Variants in MAJIN observed in about 807,000 individuals in gnomAD.
MAJIN encodes membrane anchored junction protein, also known as membrane-anchored junction protein.
MAJIN carries 27 observed loss-of-function variants against 30.2 expected under a neutral mutation model. The ratio of observed to expected loss-of-function variants is 0.89; its 90% CI spans 0.66 to 1.23. The LOEUF (loss-of-function observed/expected upper bound fraction) is 1.23, where lower values mean the gene tolerates loss of function less well. Ranked by LOEUF, MAJIN falls within the 50% of genes most tolerant of loss-of-function variation. The pLI is 0.00. For synonymous variants in MAJIN, 78 were observed against 91.6 expected, an observed-to-expected ratio of 0.85 and a Z score of 0.85; for missense variants, 253 against 260.3, an observed-to-expected ratio of 0.97 and a Z score of 0.19.
At chr11:64,967,644 A>T (rs555899891) in intron 1 of MAJIN, among the ~76,000 whole-genome samples, 1 of 152,074 alleles carries the variant, frequency 6.6e-6, no homozygotes, top group Admixed American at 6.6e-5. Flanking sequence ...CAAAAGAGAG[A>T]AGTACAGTAA....
chr11:64,962,213 T>C (rs240567), intron 1 of MAJIN, among the ~76,000 whole-genome samples: 114,739 of 152,208 alleles, frequency 0.75, 43,459 homozygotes, highest in African/African-American at 0.77. Context: ...ATTTCATGTG[T>C]TGTACCACAG....
At chr11:64,966,670 C>T (rs1232987949) in intron 1 of MAJIN, among the ~76,000 whole-genome samples, 2 of 151,792 alleles carry the variant, frequency 1.3e-5, no homozygotes, top group Non-Finnish European at 2.9e-5. Context: ...CAGTAGCTCA[C>T]GCCTTGTAAT....
At position 64,947,838 on chromosome 11, in the gene MAJIN, G is replaced by T. The variant is rs148208871; in HGVS notation, c.350-19C>A. The T allele has an allele frequency of 7.3e-3, 11,323 of 1,555,302 alleles. 59 individuals carry two copies. The highest frequency in any genetic ancestry group is 0.011 in the Middle Eastern group (63 of 5,956). On this transcript the variant is annotated intron_variant, in intron 6 of 10. Coordinates refer to ENST00000301896, the MANE Select transcript of MAJIN (RefSeq NM_001037225.3). ...GGTTTCCCTACAATAGGAAATTTGA[G>T]TGTCATAATAGATTTAAGACTTTTT...
intron 4 of MAJIN, among the ~76,000 whole-genome samples, chr11:64,952,602 A>C (rs1380349024): frequency 6.6e-6 from 1 of 152,234 alleles, no homozygotes; most frequent in Non-Finnish European, 1.5e-5. Flanking sequence ...AATGTAGTCT[A>C]GGTTACATAA....
chr11:64,957,150 T>C (rs551092451), intron 3 of MAJIN, among the ~76,000 whole-genome samples: 1 of 152,040 alleles, frequency 6.6e-6, no homozygotes, highest in Admixed American at 6.6e-5. Flanking sequence ...CAGTCATGGC[T>C]ACCTGCAGCC....
chr11:64,959,555 A>G, intron 2 of MAJIN, 133 bp from the exon 3 acceptor site: 2 of 638,764 alleles, frequency 3.1e-6, no homozygotes, highest in East Asian at 2.8e-5. Context: ...CCTACGTACC[A>G]GGATCATCAC....
intron 3 of MAJIN, among the ~76,000 whole-genome samples, chr11:64,958,745 T>C (rs528552431): frequency 2.0e-5 from 3 of 151,882 alleles, no homozygotes; most frequent in African/African-American, 7.2e-5. Context: ...ATCTCCCAGG[T>C]TCAAGCAATT....
chr11:64,955,088 T>C (rs982839262), intron 3 of MAJIN, among the ~76,000 whole-genome samples: 4 of 152,222 alleles, frequency 2.6e-5, no homozygotes, highest in African/African-American at 9.6e-5. Context: ...GGGGACCCTT[T>C]CAATGGGTCT....
At chr11:64,958,401 G>A (rs1159822426) in intron 3 of MAJIN, among the ~76,000 whole-genome samples, 1 of 151,658 alleles carries the variant, frequency 6.6e-6, no homozygotes, top group Non-Finnish European at 1.5e-5. Context: ...GGATCCCTTG[G>A]GCCCAGGAGT....
intron 4 of MAJIN, 112 bp downstream of exon 4, chr11:64,954,645 C>A (rs1229607209): frequency 9.6e-7 from 1 of 1,046,204 alleles, no homozygotes; most frequent in East Asian, 2.4e-5. Flanking sequence ...CAGGAGGAAG[C>A]CAAGTTATCA....
chr11:64,965,597 G>A (rs1026604321), intron 1 of MAJIN, among the ~76,000 whole-genome samples: 14 of 152,064 alleles, frequency 9.2e-5, no homozygotes, highest in Admixed American at 3.9e-4. Context: ...ATGCAATAGC[G>A]TCTCACCTCA....
intron 3 of MAJIN, among the ~76,000 whole-genome samples, chr11:64,956,662 C>T (rs1336225416): frequency 1.3e-5 from 2 of 150,712 alleles, no homozygotes; most frequent in East Asian, 1.9e-4. Context: ...ACCCAAACTA[C>T]GATTTGTCCA....
chr11:64,959,444 T>C, intron 2 of MAJIN, 22 bp from the exon 3 acceptor site: 1 of 1,566,700 alleles, frequency 6.4e-7, no homozygotes, highest in Non-Finnish European at 8.8e-7. Flanking sequence ...AGAAAGAGAA[T>C]TACTAAAAAG....
chr11:64,950,222 G>A (rs1945528841), intron 5 of MAJIN, 133 bp downstream of exon 5: 15 of 777,256 alleles, frequency 1.9e-5, no homozygotes, highest in Non-Finnish European at 6.0e-6. Flanking sequence ...CCCAGCTACT[G>A]GAGAGGCTGA....
intron 3 of MAJIN, among the ~76,000 whole-genome samples, chr11:64,956,227 A>T (rs530361990): frequency 6.6e-6 from 1 of 152,258 alleles, no homozygotes; most frequent in East Asian, 1.9e-4. Context: ...TTGAACCGGG[A>T]GGCAGAGGTT....
At position 64,967,160 on chromosome 11, in the gene MAJIN, C is replaced by A. The variant is rs373381045; in HGVS notation, c.-65+4717G>T. On this transcript the variant is annotated intron_variant, in intron 1 of 10. Coordinates refer to ENST00000301896, the MANE Select transcript of MAJIN (RefSeq NM_001037225.3). ...CTGTGGCTCATACCTGTAATCCCAGCACTTTGGGAGGCTGAGTCGGGCAGA... is the reference window on the plus strand; with the variant it reads ...CTGTGGCTCATACCTGTAATCCCAGAACTTTGGGAGGCTGAGTCGGGCAGA... Among the ~76,000 whole-genome samples, 270 of 152,010 alleles carry A rather than the reference C, an allele frequency of 1.8e-3. 1 individual carries two copies. The highest frequency in any genetic ancestry group is 6.3e-3 in the African/African-American group (261 of 41,454).
At position 64,959,381 on chromosome 11, in the gene MAJIN, G is replaced by T. The variant is rs746400819; in HGVS notation, c.25C>A (p.Pro9Thr). 21 of 1,613,914 alleles carry T rather than the reference G, an allele frequency of 1.3e-5. No homozygotes were observed. Among genetic ancestry groups the T allele is most frequent in the Non-Finnish European group, 1.7e-5 (20 of 1,179,862 alleles). ...TGAAGAAACCTCGTCTCTGGAAACG[G>T]GTAGGTAAAGGGTTTTAAACTCATT... MSLKPFTY[P>T]FPETRFLHAG... Residue 9 changes from proline (P) to threonine (T), a missense_variant, in exon 3 of 11, where the codon CCG becomes ACG. Pro to Thr is a conservative substitution (Grantham distance 38, BLOSUM62 -1). Coordinates refer to ENST00000301896, the MANE Select transcript of MAJIN (RefSeq NM_001037225.3).
At chr11:64,961,923 G>C (rs1945733493) in intron 1 of MAJIN, among the ~76,000 whole-genome samples, 1 of 151,976 alleles carries the variant, frequency 6.6e-6, no homozygotes, top group African/African-American at 2.4e-5. Context: ...AGAGTAGCTA[G>C]GACTACAGAT....
intron 1 of MAJIN, among the ~76,000 whole-genome samples, chr11:64,962,456 T>C (rs1009770857): frequency 6.6e-6 from 1 of 151,898 alleles, no homozygotes; most frequent in African/African-American, 2.4e-5. Flanking sequence ...CAGTAACTAT[T>C]ATTAAGTTGA....
Sources: allele counts gnomAD v4.1 joint callset (sites outside exome capture counted in the v4.1 genomes callset), GRCh38; gene constraint gnomAD v4.1.1; transcripts MANE v1.5; gene names NCBI Gene and HGNC (gene_info 2026-07-23, HGNC 2026-07-21).